Variants in RGSL1 observed in about 807,000 individuals in gnomAD.
RGSL1 encodes regulator of G protein signaling like 1, also known as regulator of G protein signaling protein-like.
A neutral mutation model predicts 124.7 loss-of-function variants in RGSL1; 97 were observed. That is an observed-to-expected ratio of 0.78 (90% CI 0.66 to 0.92). The LOEUF (loss-of-function observed/expected upper bound fraction) is 0.92. RGSL1 is among the 40% of genes least tolerant of loss of function. The pLI is 0.00. For missense variants in RGSL1, 1,233 were observed against 1,288.4 expected (o/e 0.96, Z 0.66); for synonymous variants, 424 against 438.1 (o/e 0.97, Z 0.40).
rs555340145 is a variant in RGSL1 at position 182,474,433 on chromosome 1, T to G, written c.1322T>G (p.Ile441Ser). The G allele has an allele frequency of 1.7e-5, 26 of 1,552,064 alleles. No homozygotes were observed. In the African/African-American group the frequency reaches 3.1e-4, roughly 19 times the overall value. Reference sequence around the variant, plus strand: ...TGCGAGCTCTACCTGAATGAGCAGATTGGTCCGTGCTTACCACTCAAATCC... The same window carrying G: ...TGCGAGCTCTACCTGAATGAGCAGAGTGGTCCGTGCTTACCACTCAAATCC... The part of the protein sequence containing the change: ...RICELYLNEQ[I>S]GPCLPLKSQT... Residue 441 changes from isoleucine (I) to serine (S), a missense_variant, in exon 6 of 22, where the codon ATT becomes AGT. Coordinates refer to ENST00000294854, the MANE Select transcript of RGSL1 (RefSeq NM_001137669.2).
intron 6 of RGSL1, among the ~76,000 whole-genome samples, chr1:182,486,164 T>A (rs1363583164): frequency 6.6e-6 from 1 of 152,180 alleles, no homozygotes; most frequent in East Asian, 1.9e-4. Flanking sequence ...ATTATAGGGT[T>A]TTTAGATGCT....
intron 15 of RGSL1, among the ~76,000 whole-genome samples, chr1:182,545,746 A>G (rs915683893): frequency 1.3e-5 from 2 of 152,024 alleles, no homozygotes; most frequent in Non-Finnish European, 2.9e-5. Flanking sequence ...TTTTTTCTCA[A>G]ATTTTCCTGG....
At chr1:182,519,359 A>G (rs535039179) in intron 9 of RGSL1, among the ~76,000 whole-genome samples, 2 of 152,258 alleles carry the variant, frequency 1.3e-5, no homozygotes, top group Middle Eastern at 3.4e-3. Context: ...TGGATGGAGA[A>G]TTCTTCTTGG....
At chr1:182,501,519 A>G (rs1656385405) in intron 9 of RGSL1, among the ~76,000 whole-genome samples, 2 of 151,430 alleles carry the variant, frequency 1.3e-5, no homozygotes, top group Non-Finnish European at 2.9e-5. Flanking sequence ...GGGTTTCACC[A>G]TGTTGTCTAG....
At chr1:182,458,457 T>C in intron 3 of RGSL1, 64 bp downstream of exon 3, 3 of 1,343,006 alleles carry the variant, frequency 2.2e-6, no homozygotes, top group Non-Finnish European at 3.1e-6. Context: ...TAATTGTTTT[T>C]TGTTGTTAAT....
At chr1:182,494,434 CT>C (rs1043161679) in intron 9 of RGSL1, among the ~76,000 whole-genome samples, 1 of 152,222 alleles carries the variant, frequency 6.6e-6, no homozygotes, top group African/African-American at 2.4e-5. Context: ...TGAAATGTGA[CT>C]GGTACATGTG....
At position 182,551,187 on chromosome 1, in the gene RGSL1, C is replaced by T. The variant is rs1239762857; in HGVS notation, c.3021C>T (p.Asp1007=). 13 of 1,551,350 alleles carry T rather than the reference C, an allele frequency of 8.4e-6. No homozygotes were observed. Among genetic ancestry groups the T allele is most frequent in the Non-Finnish European group, 1.1e-5 (13 of 1,146,674 alleles). The change falls in exon 18 of 22, where the codon GAC becomes GAT. Residue 1007 remains aspartate, a synonymous_variant. Coordinates refer to ENST00000294854, the MANE Select transcript of RGSL1 (RefSeq NM_001137669.2). ...GAAAAAGCCCTCCTAAATCTACGGA[C>T]AAGTATCCTTTCTCGAGTGGAGGTA... The part of the protein sequence containing the change: ...KDRKSPPKST[D]KYPFSSGGDN...
chr1:182,493,216 C>T (rs951782891), intron 9 of RGSL1, 87 bp downstream of exon 9: 4 of 930,692 alleles, frequency 4.3e-6, no homozygotes. Context: ...CTTTAAGGAA[C>T]ATAAGCCAAA....
chr1:182,552,989 C>G (rs970902427), intron 18 of RGSL1, among the ~76,000 whole-genome samples: 63 of 152,170 alleles, frequency 4.1e-4, no homozygotes, highest in African/African-American at 1.5e-3. Context: ...ACCACACCCT[C>G]CGCCTCCTGG....
intron 4 of RGSL1, among the ~76,000 whole-genome samples, chr1:182,468,972 G>A (rs1382125790): frequency 6.6e-6 from 1 of 151,876 alleles, no homozygotes; most frequent in Admixed American, 6.6e-5. Context: ...GTCCACGTGC[G>A]AAATAATGAA....
At chr1:182,464,977 G>C (rs1488765012) in intron 4 of RGSL1, among the ~76,000 whole-genome samples, 1 of 151,482 alleles carries the variant, frequency 6.6e-6, no homozygotes, top group Non-Finnish European at 1.5e-5. Context: ...AGTACTAGCT[G>C]AGGAACGAGG....
At chr1:182,476,617 CAT>C (rs1654308934) in intron 6 of RGSL1, among the ~76,000 whole-genome samples, 1 of 152,204 alleles carries the variant, frequency 6.6e-6, no homozygotes, top group South Asian at 2.1e-4. Flanking sequence ...TCTGTCAAAA[CAT>C]AGTGTAATTT....
At chr1:182,501,061 C>T (rs1226990342) in intron 9 of RGSL1, among the ~76,000 whole-genome samples, 1 of 152,104 alleles carries the variant, frequency 6.6e-6, no homozygotes, top group Non-Finnish European at 1.5e-5. Flanking sequence ...GCATGCTTGT[C>T]TTCTTCCTGA....
At chr1:182,548,973 A>C in intron 17 of RGSL1, 149 bp downstream of exon 17, 1 of 920,566 alleles carries the variant, frequency 1.1e-6, no homozygotes, top group Non-Finnish European at 1.6e-6. Context: ...TATTCACCTC[A>C]CTCCATCCCT....
chr1:182,474,594 T>C, intron 6 of RGSL1, 52 bp downstream of exon 6: 1 of 1,479,392 alleles, frequency 6.8e-7, no homozygotes, highest in Non-Finnish European at 9.0e-7. Flanking sequence ...AGGTCAAAAC[T>C]GACTAAAAAT....
At chr1:182,481,204 T>A (rs908357505) in intron 6 of RGSL1, among the ~76,000 whole-genome samples, 13 of 146,164 alleles carry the variant, frequency 8.9e-5, no homozygotes, top group African/African-American at 3.3e-4. Flanking sequence ...AATCCTTAGC[T>A]AGGCTTAAAA....
intron 9 of RGSL1, among the ~76,000 whole-genome samples, chr1:182,496,574 T>C (rs889382221): frequency 3.3e-5 from 5 of 152,198 alleles, no homozygotes; most frequent in Non-Finnish European, 7.3e-5. Context: ...ATAAACTCCA[T>C]TGTCTTTTCC....
intron 9 of RGSL1, among the ~76,000 whole-genome samples, chr1:182,511,602 C>T (rs1657467344): frequency 6.6e-6 from 1 of 152,156 alleles, no homozygotes. Flanking sequence ...TGTTCTGTCC[C>T]ATTGGTCTAT....
chr1:182,505,698 C>A (rs1463603438), intron 9 of RGSL1, among the ~76,000 whole-genome samples: 1 of 152,066 alleles, frequency 6.6e-6, no homozygotes, highest in African/African-American at 2.4e-5. Context: ...TAGTTTTCCA[C>A]TTAATATTAT....
Sources: allele counts gnomAD v4.1 joint callset (sites outside exome capture counted in the v4.1 genomes callset), GRCh38; gene constraint gnomAD v4.1.1; transcripts MANE v1.5; gene names NCBI Gene and HGNC (gene_info 2026-07-23, HGNC 2026-07-21).